Variants in SERINC5 observed in about 807,000 individuals in gnomAD.
SERINC5 encodes the protein chromosome 5 open reading frame 12.
SERINC5 carries 41 observed loss-of-function variants against 63.1 expected under a neutral mutation model. The ratio of observed to expected loss-of-function variants is 0.65; its 90% CI spans 0.51 to 0.84. The LOEUF is 0.84. Among genes scored for constraint, SERINC5 ranks in the 40% least tolerant of loss-of-function variants. The pLI is 0.00. For missense variants in SERINC5, 523 were observed against 573.0 expected (o/e 0.91, Z 0.89); for synonymous variants, 222 against 215.2 (o/e 1.03, Z -0.28).
chr5:80,230,064 A>C (rs918697584), intron 1 of SERINC5, among the ~76,000 whole-genome samples: 9 of 152,086 alleles, frequency 5.9e-5, no homozygotes, highest in Non-Finnish European at 1.2e-4. Context: ...CTGCTCAGGA[A>C]ATTCCCAGGG....
chr5:80,118,811 C>A (rs758720550), intron 11 of SERINC5, among the ~76,000 whole-genome samples: 9 of 151,050 alleles, frequency 6.0e-5, no homozygotes, highest in African/African-American at 2.0e-4. Context: ...AATCCACCCA[C>A]CTCGGCCTCC....
At chr5:80,234,787 T>C (rs1301300635) in intron 1 of SERINC5, among the ~76,000 whole-genome samples, 3 of 152,184 alleles carry the variant, frequency 2.0e-5, no homozygotes, top group Admixed American at 6.5e-5. Flanking sequence ...GATACATACA[T>C]GCCTTTCAAA....
chr5:80,255,976 C>T lies in SERINC5; in HGVS notation c.-54G>A. On this transcript the variant is annotated 5_prime_UTR_variant, in exon 1 of 12. Transcript: ENST00000507668. The stretch of plus-strand genomic sequence containing the variant: ...GCTGGCTCCCCGCGCCGCACGGGCC[C>T]TCCTGGCTGCCTCGCGCCTCGAGCG... 6.8e-7 allele frequency: 1 copy of T among 1,468,466 alleles called. No individual in the cohort carries two copies. The highest frequency in any genetic ancestry group is 1.5e-5 in the African/African-American group (1 of 68,096). 91.0% of individuals were successfully genotyped at this position (1,468,466 alleles called of 1,614,324 possible).
rs956990526 is a variant in SERINC5 at position 80,143,414 on chromosome 5, G to A, written c.*249C>T. On this transcript the variant is annotated 3_prime_UTR_variant, in exon 12 of 12. Coordinates refer to ENST00000507668, the MANE Select transcript of SERINC5 (RefSeq NM_001174072.3). ...AGGAAGTCAACATAACTGGTATCCAGTTCCTAGGGGTAAGATATTTCAACC... is the reference window on the plus strand; with the variant it reads ...AGGAAGTCAACATAACTGGTATCCAATTCCTAGGGGTAAGATATTTCAACC... 3 of 1,219,712 alleles carry A rather than the reference G, an allele frequency of 2.5e-6. No individual in the cohort carries two copies. Among genetic ancestry groups the A allele is most frequent in the Non-Finnish European group, 3.1e-6 (3 of 978,244 alleles). 75.6% of individuals were successfully genotyped at this position (1,219,712 alleles called of 1,614,324 possible).
chr5:80,192,199 G>A (rs1749231880), intron 2 of SERINC5, among the ~76,000 whole-genome samples: 1 of 152,180 alleles, frequency 6.6e-6, no homozygotes, highest in Non-Finnish European at 1.5e-5. Context: ...AATAGATGAG[G>A]AGTTGTGGCT....
rs1744115629 is a variant in SERINC5, at chr5:80,111,703, C to T, written c.*30-1G>A. The T allele has an allele frequency of 6.6e-6, 1 of 152,164 alleles. No individual in the cohort carries two copies. Among genetic ancestry groups the T allele is most frequent in the Non-Finnish European group, 1.5e-5 (1 of 68,036 alleles). The allele number at this position is 152,164 out of a possible 1,614,324, so 9.4% of individuals were successfully genotyped here. On this transcript the variant is annotated splice_acceptor_variant, in intron 12 of 12. Transcript: ENST00000509193. LOFTEE classifies it low-confidence loss of function (3UTR_SPLICE). Reference sequence around the variant, plus strand: ...AATGGAGTCCGTTCAGGTTTCTCAGCTAAGAGAGAGTCAATCAGGTTAATA... The same window carrying T: ...AATGGAGTCCGTTCAGGTTTCTCAGTTAAGAGAGAGTCAATCAGGTTAATA...
At chr5:80,232,422 A>G (rs1340892770) in intron 1 of SERINC5, among the ~76,000 whole-genome samples, 17 of 142,148 alleles carry the variant, frequency 1.2e-4, no homozygotes, top group Admixed American at 1.1e-3. Flanking sequence ...AAAAAAAAAA[A>G]GTGGAAACAA....
chr5:80,169,294 G>C, intron 6 of SERINC5, 41 bp downstream of exon 6: 1 of 1,555,472 alleles, frequency 6.4e-7, no homozygotes, highest in Non-Finnish European at 8.9e-7. Context: ...AAGACACTTA[G>C]GAAAATATAA....
intron 2 of SERINC5, 92 bp from the exon 3 acceptor site, chr5:80,178,156 G>A (rs1748166382): frequency 1.4e-6 from 1 of 696,482 alleles, no homozygotes; most frequent in Non-Finnish European, 2.4e-6. Context: ...AACATCCACT[G>A]TGGAAATGGA....
Position 80,139,913 on chromosome 5 carries a change from T to C in SERINC5, c.*3750A>G. The C allele has an allele frequency of 1.0e-6, 1 of 985,348 alleles. No homozygotes were observed. The highest frequency in any genetic ancestry group is 1.2e-6 in the Non-Finnish European group (1 of 829,920). The allele number at this position is 985,348 out of a possible 1,614,324, so 61.0% of individuals were successfully genotyped here. A position where few individuals can be genotyped will look rare whatever the true frequency, so the allele number is the denominator to read the frequency against. ...CTAGAGTACACCAAATGAGATACTA[T>C]TTGGAAAGGCAATAAAGGGAGTGTA... is the stretch of plus-strand genomic sequence containing the variant. On this transcript the variant is annotated 3_prime_UTR_variant, in exon 12 of 12. Coordinates refer to ENST00000507668, the MANE Select transcript of SERINC5 (RefSeq NM_001174072.3).
At position 80,147,233 on chromosome 5, in the gene SERINC5, C is replaced by T. The variant is rs758126519; in HGVS notation, c.1093+12G>A. The T allele has an allele frequency of 1.9e-5, 31 of 1,593,714 alleles. No homozygotes were observed. The highest frequency in any genetic ancestry group is 1.2e-4 in the Admixed American group (7 of 57,200). Reference sequence around the variant, plus strand: ...GCCACACAGGTGCAAAGAATAAAAGCGCTCTGCTTACCCTCTCCACCAGGA... The same window carrying T: ...GCCACACAGGTGCAAAGAATAAAAGTGCTCTGCTTACCCTCTCCACCAGGA... On this transcript the variant is annotated intron_variant, in intron 10 of 11. Coordinates refer to ENST00000507668, the MANE Select transcript of SERINC5 (RefSeq NM_001174072.3).
In SERINC5 at chr5:80,143,421, G is replaced by A. The variant is rs1745627669; in HGVS notation, c.*242C>T. 2.4e-6 allele frequency: 3 copies of A among 1,237,432 alleles called. No homozygotes were observed. Among genetic ancestry groups the A allele is most frequent in the Non-Finnish European group, 3.0e-6 (3 of 988,752 alleles). The allele number at this position is 1,237,432 out of a possible 1,614,324, so 76.7% of individuals were successfully genotyped here. ...CAACATAACTGGTATCCAGTTCCTA[G>A]GGGTAAGATATTTCAACCATGATCA... On this transcript the variant is annotated 3_prime_UTR_variant, in exon 12 of 12. Coordinates refer to ENST00000507668, the MANE Select transcript of SERINC5 (RefSeq NM_001174072.3).
chr5:80,200,563 T>A (rs1265208013), intron 2 of SERINC5, among the ~76,000 whole-genome samples: 1 of 152,112 alleles, frequency 6.6e-6, no homozygotes, highest in Non-Finnish European at 1.5e-5. Flanking sequence ...TTCTCGCAAG[T>A]GTGAACACCC....
In SERINC5 at chr5:80,147,283, A is replaced by G. The variant is rs1174209289; in HGVS notation, c.1055T>C (p.Ile352Thr). ...QGRYAAPELEIARCCFCFSPG... is the reference protein window; with the variant it reads ...QGRYAAPELETARCCFCFSPG... ...ACTGAAGCAAAAACAACAGCGAGCT[A>G]TCTGTGAAAGCAAAAGCAACAGTCA... Residue 352 changes from isoleucine to threonine, a missense_variant and splice_region_variant, in exon 10 of 12, where the codon ATA becomes ACA. By Grantham distance (89) the Ile-to-Thr change is moderately conservative. Transcript: ENST00000507668. 2 of 1,606,052 alleles carry G rather than the reference A, an allele frequency of 1.2e-6. No individual in the cohort carries two copies. The highest frequency in any genetic ancestry group is 2.7e-5 in the African/African-American group (2 of 74,932).
At chr5:80,180,526 A>C (rs1361645623) in intron 2 of SERINC5, among the ~76,000 whole-genome samples, 2 of 152,336 alleles carry the variant, frequency 1.3e-5, no homozygotes, top group South Asian at 2.1e-4. Flanking sequence ...ATGGGGAATA[A>C]TTAAGCCAGA....
At chr5:80,245,877 A>G (rs148504260) in intron 1 of SERINC5, among the ~76,000 whole-genome samples, 9 of 152,002 alleles carry the variant, frequency 5.9e-5, no homozygotes, top group African/African-American at 2.2e-4. Context: ...AGCCCCAAAA[A>G]ATGCTGGGAT....
chr5:80,139,577 AGTT>A lies in SERINC5; in HGVS notation c.*4083_*4085del, dbSNP rs1312131536. On this transcript the variant is annotated 3_prime_UTR_variant, in exon 12 of 12. Coordinates refer to ENST00000507668, the MANE Select transcript of SERINC5 (RefSeq NM_001174072.3). ...TTCAAAATGACTGCCTCTGTGAAAG[AGTT>A]GTTGAGAAAGAAGAAAAGAGAGAGA... 1 of 981,492 alleles carries A rather than the reference AGTT, an allele frequency of 1.0e-6. No homozygotes were observed. The highest frequency in any genetic ancestry group is 1.8e-5 in the African/African-American group (1 of 55,592). The allele number at this position is 981,492 out of a possible 1,614,324, so 60.8% of individuals were successfully genotyped here. A position where few individuals can be genotyped will look rare whatever the true frequency, so the allele number is the denominator to read the frequency against.
At chr5:80,180,911 G>A (rs1469595839) in intron 2 of SERINC5, among the ~76,000 whole-genome samples, 1 of 152,180 alleles carries the variant, frequency 6.6e-6, no homozygotes, top group African/African-American at 2.4e-5. Flanking sequence ...TTAGATTGCA[G>A]ACCTAAAGTT....
intron 1 of SERINC5, among the ~76,000 whole-genome samples, chr5:80,219,479 T>C (rs1214418147): frequency 6.6e-6 from 1 of 152,184 alleles, no homozygotes; most frequent in Non-Finnish European, 1.5e-5. Flanking sequence ...CGAATAGGTG[T>C]GTGCCTTTCC....
Sources: gnomAD v4.1 joint callset for allele counts (sites outside exome capture counted in the v4.1 genomes callset) on GRCh38, gnomAD v4.1.1 for gene constraint, MANE v1.5 for transcripts, NCBI Gene and HGNC (gene_info 2026-07-23, HGNC 2026-07-21) for gene names.